Variants in SLC24A2 observed in about 807,000 individuals in gnomAD.
SLC24A2 encodes the protein solute carrier family 24 member 2.
A neutral mutation model predicts 62.0 loss-of-function variants in SLC24A2; 36 were observed. The ratio of observed to expected loss-of-function variants is 0.58; its 90% CI spans 0.44 to 0.77. The LOEUF (loss-of-function observed/expected upper bound fraction) is 0.77, where lower values mean the gene tolerates loss of function less well. SLC24A2 is among the 30% of genes least tolerant of loss of function. SLC24A2 has a pLI of 0.00. For synonymous variants in SLC24A2, 358 were observed against 294.0 expected, an observed-to-expected ratio of 1.22 and a Z score of -2.23; for missense variants, 846 against 817.9, an observed-to-expected ratio of 1.03 and a Z score of -0.42.
intron 2 of SLC24A2, among the ~76,000 whole-genome samples, chr9:19,779,091 G>T (rs1182400390): frequency 6.6e-6 from 1 of 152,136 alleles, no homozygotes; most frequent in African/African-American, 2.4e-5. Context: ...TAGATATAAA[G>T]AAATGACAAG....
intron 5 of SLC24A2, among the ~76,000 whole-genome samples, chr9:19,595,924 G>C (rs754712239): frequency 6.6e-6 from 1 of 152,094 alleles, no homozygotes; most frequent in Non-Finnish European, 1.5e-5. Context: ...TATCCCCTTG[G>C]TAGCAGGTAC....
chr9:19,658,630 C>G (rs543394532), intron 2 of SLC24A2, among the ~76,000 whole-genome samples: 53 of 152,322 alleles, frequency 3.5e-4, no homozygotes, highest in South Asian at 2.1e-3. Flanking sequence ...AATCTTCACT[C>G]TCTTCACTCT....
intron 7 of SLC24A2, among the ~76,000 whole-genome samples, chr9:19,560,640 T>C (rs1207500625): frequency 1.3e-5 from 2 of 152,184 alleles, no homozygotes; most frequent in Admixed American, 1.3e-4. Context: ...AAATAAACTG[T>C]TGTTTAAGCC....
chr9:19,597,528 T>C (rs1456359897), intron 4 of SLC24A2, among the ~76,000 whole-genome samples: 1 of 152,184 alleles, frequency 6.6e-6, no homozygotes, highest in Non-Finnish European at 1.5e-5. Context: ...GGCACAGTTA[T>C]CTTAACATCC....
At chr9:19,843,403 T>C in the SLC24A2 span, among the ~76,000 whole-genome samples, 55 of 152,288 alleles carry the variant, frequency 3.6e-4, no homozygotes, top group African/African-American at 1.3e-3. Flanking sequence ...CCCTAGCTAC[T>C]CAGGAGGCTG....
the SLC24A2 span, among the ~76,000 whole-genome samples, chr9:19,798,343 A>G: frequency 6.6e-6 from 1 of 152,098 alleles, no homozygotes; most frequent in African/African-American, 2.4e-5. Flanking sequence ...TCCTTTCCCA[A>G]CTTTATAGAA....
chr9:19,798,040 C>T, the SLC24A2 span, among the ~76,000 whole-genome samples: 7 of 152,042 alleles, frequency 4.6e-5, no homozygotes, highest in Non-Finnish European at 5.9e-5. Context: ...CTTGTATGGG[C>T]GAGTTCTTTC....
Position 19,584,973 on chromosome 9 carries a change from C to T in SLC24A2, c.1130-7951G>A, listed in dbSNP as rs115533274. 9.8e-3 allele frequency among the ~76,000 whole-genome samples: 1,485 copies of T among 152,040 alleles called. 31 individuals carry two copies. Among genetic ancestry groups the T allele is most frequent in the African/African-American group, 0.032 (1,328 of 41,488 alleles). The stretch of plus-strand genomic sequence containing the variant: ...TGAACCACATAATAGAGATGATTAA[C>T]GACATTTAATTATATTAGATTTACA... On this transcript the variant is annotated intron_variant, in intron 5 of 10. Coordinates refer to ENST00000341998, the MANE Select transcript of SLC24A2 (RefSeq NM_020344.4).
the SLC24A2 span, among the ~76,000 whole-genome samples, chr9:20,033,600 T>G: frequency 6.6e-6 from 1 of 152,184 alleles, no homozygotes; most frequent in Non-Finnish European, 1.5e-5. Context: ...TATAATTTAC[T>G]AAATCAAGGT....
the SLC24A2 span, among the ~76,000 whole-genome samples, chr9:20,055,251 T>A: frequency 6.6e-6 from 1 of 152,128 alleles, no homozygotes; most frequent in Non-Finnish European, 1.5e-5. Flanking sequence ...AAAAAAGTCT[T>A]TACTTCTGCA....
chr9:20,217,752 C>T, the SLC24A2 span, among the ~76,000 whole-genome samples: 1 of 152,176 alleles, frequency 6.6e-6, no homozygotes, highest in Non-Finnish European at 1.5e-5. Context: ...TGGAGAATAT[C>T]TGTTTCAAAT....
the SLC24A2 span, among the ~76,000 whole-genome samples, chr9:20,304,407 A>C: frequency 6.6e-6 from 1 of 152,220 alleles, no homozygotes; most frequent in African/African-American, 2.4e-5. Flanking sequence ...ATTGTAATAA[A>C]CACATTTTCA....
At chr9:20,132,172 C>T in the SLC24A2 span, among the ~76,000 whole-genome samples, 1 of 151,898 alleles carries the variant, frequency 6.6e-6, no homozygotes, top group East Asian at 1.9e-4. Flanking sequence ...CTTTAGATCT[C>T]CCTGTCTTCC....
chr9:19,548,986 C>T (rs1348374866), intron 8 of SLC24A2, among the ~76,000 whole-genome samples: 1 of 152,148 alleles, frequency 6.6e-6, no homozygotes, highest in African/African-American at 2.4e-5. Context: ...TTTCTCCTTC[C>T]CTCTCCTTAG....
At chr9:20,034,456 T>G in the SLC24A2 span, among the ~76,000 whole-genome samples, 9 of 135,202 alleles carry the variant, frequency 6.7e-5, no homozygotes, top group Non-Finnish European at 1.3e-4. Flanking sequence ...TTTAAGTTTT[T>G]TTTTTTTTTT....
the SLC24A2 span, among the ~76,000 whole-genome samples, chr9:20,195,984 A>T: frequency 6.6e-6 from 1 of 152,192 alleles, no homozygotes. Context: ...AAAAGAAGAA[A>T]TACCAAAGGT....
chr9:19,937,187 C>T, the SLC24A2 span, among the ~76,000 whole-genome samples: 3 of 152,240 alleles, frequency 2.0e-5, no homozygotes, highest in East Asian at 5.8e-4. Context: ...CCTGGTCAGT[C>T]CATGTATAAT....
upstream of SLC24A2, among the ~76,000 whole-genome samples, chr9:19,791,774 A>G (rs1404148342): frequency 2.0e-5 from 3 of 152,272 alleles, no homozygotes; most frequent in East Asian, 5.8e-4. Flanking sequence ...GTTATTAAAC[A>G]GTAGCATTTG....
chr9:20,199,351 T>C, the SLC24A2 span, among the ~76,000 whole-genome samples: 1 of 152,196 alleles, frequency 6.6e-6, no homozygotes, highest in Admixed American at 6.5e-5. Context: ...GCACTGTATA[T>C]TACTAAACCC....
Sources: gnomAD v4.1 joint callset for allele counts (sites outside exome capture counted in the v4.1 genomes callset) on GRCh38, gnomAD v4.1.1 for gene constraint, MANE v1.5 for transcripts, NCBI Gene and HGNC (gene_info 2026-07-23, HGNC 2026-07-21) for gene names.